ZBTB20: variants seen among roughly 807,000 people sequenced by gnomAD.
ZBTB20 encodes the protein zinc finger and BTB domain containing 20.
In ZBTB20, 9 loss-of-function variants were observed where a neutral mutation model predicts 56.9. That is an observed-to-expected ratio of 0.16 (90% CI 0.10 to 0.28). ZBTB20 has a LOEUF of 0.28. Ranked by LOEUF, ZBTB20 falls within the 10% of genes least tolerant of loss-of-function variation. ZBTB20 has a pLI of 1.00. For synonymous variants in ZBTB20, 417 were observed against 420.7 expected (o/e 0.99, Z 0.11); for missense variants, 655 against 1,003.0 (o/e 0.65, Z 4.69).
chr3:114,911,615 A>C (rs1405266547), intron 3 of ZBTB20, among the ~76,000 whole-genome samples: 1 of 152,046 alleles, frequency 6.6e-6, no homozygotes, highest in Non-Finnish European at 1.5e-5. Context: ...AAAAGTATGA[A>C]GACAGAAGTG....
At chr3:114,345,471 T>G (rs972381396) in intron 11 of ZBTB20, among the ~76,000 whole-genome samples, 27 of 152,228 alleles carry the variant, frequency 1.8e-4, no homozygotes, top group Non-Finnish European at 3.4e-4. Context: ...GTGATATAAT[T>G]TATCCACTAC....
rs376974469 is a variant in ZBTB20 at position 115,074,730 on chromosome 3, A to G, written c.-702-3316T>C. Among the ~76,000 whole-genome samples the G allele has an allele frequency of 3.3e-5, 5 of 152,116 alleles. No individual in the cohort carries two copies. In the East Asian group the frequency reaches 7.7e-4, roughly 23 times the overall value. Reference sequence around the variant, plus strand: ...TTGCTGTAGTATGCTGTCTTGAGAGAGTTATCAGACCATGACTCAGGGAGG... The same window carrying G: ...TTGCTGTAGTATGCTGTCTTGAGAGGGTTATCAGACCATGACTCAGGGAGG... On this transcript the variant is annotated intron_variant, in intron 1 of 11. Coordinates refer to ENST00000675478, the MANE Select transcript of ZBTB20 (RefSeq NM_001348800.3).
chr3:114,576,817 A>C (rs942487848), intron 6 of ZBTB20, among the ~76,000 whole-genome samples: 17 of 151,976 alleles, frequency 1.1e-4, no homozygotes, highest in African/African-American at 3.4e-4. Context: ...TGAGAAAGTG[A>C]GTGAGAATAG....
At chr3:114,582,178 T>C (rs2054700166) in intron 6 of ZBTB20, 1 of 152,150 alleles carries the variant, frequency 6.6e-6, no homozygotes, top group African/African-American at 2.4e-5. Flanking sequence ...TTCTTAGGTA[T>C]TATAAATATT....
At chr3:114,755,562 T>C (rs2067946965) in intron 5 of ZBTB20, among the ~76,000 whole-genome samples, 1 of 152,196 alleles carries the variant, frequency 6.6e-6, no homozygotes, top group South Asian at 2.1e-4. Context: ...CTAAAATATA[T>C]ATGTATTTAT....
At chr3:114,357,410 A>G (rs1445582284) in intron 10 of ZBTB20, among the ~76,000 whole-genome samples, 1 of 152,198 alleles carries the variant, frequency 6.6e-6, no homozygotes, top group Non-Finnish European at 1.5e-5. Flanking sequence ...AAGATTAAAA[A>G]TTACTAACTT....
intron 7 of ZBTB20, among the ~76,000 whole-genome samples, chr3:114,442,517 C>T (rs1448065221): frequency 6.6e-6 from 1 of 152,160 alleles, no homozygotes; most frequent in East Asian, 1.9e-4. Context: ...AAACTTTCTT[C>T]TCTTGATGCC....
At chr3:114,646,593 G>T (rs902073610) in intron 6 of ZBTB20, among the ~76,000 whole-genome samples, 6 of 152,198 alleles carry the variant, frequency 3.9e-5, no homozygotes, top group African/African-American at 1.4e-4. Flanking sequence ...TGGAGAGTTA[G>T]TTGACTTTTC....
rs1301034764 is a variant in ZBTB20 at position 114,329,528 on chromosome 3, A to C, written c.*9477T>G. 6.6e-6 allele frequency: 1 copy of C among 152,082 alleles called. No homozygotes were observed. The highest frequency in any genetic ancestry group is 1.5e-5 in the Non-Finnish European group (1 of 67,994). The allele number at this position is 152,082 out of a possible 1,614,324, so 9.4% of individuals were successfully genotyped here. The stretch of plus-strand genomic sequence containing the variant: ...AGTTTTCTTGATGGCCCAACTAAAG[A>C]AGAAAGGCACCAAATCCTCACTTTA... On this transcript the variant is annotated 3_prime_UTR_variant, in exon 12 of 12. Transcript: ENST00000675478.
intron 6 of ZBTB20, among the ~76,000 whole-genome samples, chr3:114,546,558 CTTT>C (rs10719460): frequency 2.3e-4 from 33 of 141,106 alleles, no homozygotes; most frequent in Middle Eastern, 3.6e-3. Context: ...CAACATACAC[CTTT>C]TTTTTTTTTT....
In ZBTB20 at chr3:114,316,215, C is replaced by T. The variant is rs111976878; in HGVS notation, c.*22790G>A. 5.9e-3 allele frequency: 1,826 copies of T among 309,414 alleles called. 25 individuals carry two copies. The highest frequency in any genetic ancestry group is 0.038 in the African/African-American group (1,629 of 43,136). The allele number at this position is 309,414 out of a possible 1,614,324, so 19.2% of individuals were successfully genotyped here. A position where few individuals can be genotyped will look rare whatever the true frequency, so the allele number is the denominator to read the frequency against. On this transcript the variant is annotated 3_prime_UTR_variant, in exon 12 of 12. Coordinates refer to ENST00000675478, the MANE Select transcript of ZBTB20 (RefSeq NM_001348800.3). ...ATGGTATATAGAACATTACTGCATT[C>T]GCATCGGATCAAGATGGTTTCGCCC...
chr3:115,081,795 A>T (rs1420192167), intron 1 of ZBTB20, among the ~76,000 whole-genome samples: 2 of 152,142 alleles, frequency 1.3e-5, no homozygotes, highest in African/African-American at 4.8e-5. Context: ...TGTAAAGATT[A>T]TATTTATGAA....
At chr3:114,669,884 C>A (rs1479878016) in intron 6 of ZBTB20, among the ~76,000 whole-genome samples, 1 of 151,934 alleles carries the variant, frequency 6.6e-6, no homozygotes, top group East Asian at 1.9e-4. Flanking sequence ...AAATAAGCCA[C>A]AATTATTCTG....
intron 1 of ZBTB20, among the ~76,000 whole-genome samples, chr3:115,142,332 A>G (rs1211719835): frequency 6.6e-6 from 1 of 152,182 alleles, no homozygotes; most frequent in Non-Finnish European, 1.5e-5. Context: ...ACTTTTTAAC[A>G]TTCAATTAGC....
intron 1 of ZBTB20, among the ~76,000 whole-genome samples, chr3:115,096,971 T>C (rs1224514464): frequency 6.6e-6 from 1 of 152,228 alleles, no homozygotes; most frequent in Admixed American, 6.5e-5. Context: ...TTGATGAATA[T>C]AGGCTTCTGG....
intron 6 of ZBTB20, chr3:114,582,295 A>G (rs1285700760): frequency 6.6e-6 from 1 of 152,240 alleles, no homozygotes. Flanking sequence ...AAATAGGTTC[A>G]GAAACAAATG....
At chr3:114,491,721 C>T (rs2042774413) in intron 7 of ZBTB20, among the ~76,000 whole-genome samples, 1 of 152,182 alleles carries the variant, frequency 6.6e-6, no homozygotes, top group South Asian at 2.1e-4. Context: ...ACAAAAAATA[C>T]TAGTGTTTCC....
At position 114,939,832 on chromosome 3, in the gene ZBTB20, C is replaced by T. The variant is rs551840535; in HGVS notation, c.-456+34534G>A. Among the ~76,000 whole-genome samples the T allele has an allele frequency of 1.1e-4, 16 of 146,242 alleles. 2 individuals carry two copies. In the Middle Eastern group the frequency reaches 0.014, roughly 124 times the overall value. On this transcript the variant is annotated intron_variant, in intron 3 of 11. Coordinates refer to ENST00000675478, the MANE Select transcript of ZBTB20 (RefSeq NM_001348800.3). ...GTAGTGAGTGATTATTGTGCCGCTG[C>T]ACTCCAGGCTGGGTGACACACCAAG...
chr3:114,548,748 G>A (rs930878506), intron 6 of ZBTB20, among the ~76,000 whole-genome samples: 4 of 151,970 alleles, frequency 2.6e-5, no homozygotes, highest in Non-Finnish European at 4.4e-5. Context: ...CAAATGCCTG[G>A]CCTCAAGTGA....
Sources: gnomAD v4.1 joint callset for allele counts (sites outside exome capture counted in the v4.1 genomes callset) on GRCh38, gnomAD v4.1.1 for gene constraint, MANE v1.5 for transcripts, NCBI Gene and HGNC (gene_info 2026-07-23, HGNC 2026-07-21) for gene names.